The following EIF2AK2 variants were observed in gnomAD, a reference collection of about 807,000 sequenced individuals.
EIF2AK2 encodes the protein eukaryotic translation initiation factor 2 alpha kinase 2.
Under a neutral mutation model 70.5 loss-of-function variants are expected in EIF2AK2, and 40 were observed. That is an observed-to-expected ratio of 0.57 (90% CI 0.44 to 0.74). EIF2AK2 has a LOEUF of 0.74. Ranked by LOEUF, EIF2AK2 falls within the 30% of genes least tolerant of loss-of-function variation. EIF2AK2 has a pLI of 0.00. For missense variants in EIF2AK2, 555 were observed against 644.3 expected, an observed-to-expected ratio of 0.86 and a Z score of 1.50; for synonymous variants, 198 against 220.9, an observed-to-expected ratio of 0.90 and a Z score of 0.92.
rs1673947300 is a variant in EIF2AK2 at position 37,105,844 on chromosome 2, T to A, written c.*1429A>T. The A allele has an allele frequency of 6.6e-6, 1 of 152,218 alleles. No homozygotes were observed. The highest frequency in any genetic ancestry group is 6.5e-5 in the Admixed American group (1 of 15,284). The allele number at this position is 152,218 out of a possible 1,614,324, so 9.4% of individuals were successfully genotyped here. A position where few individuals can be genotyped will look rare whatever the true frequency, so the allele number is the denominator to read the frequency against. On this transcript the variant is annotated 3_prime_UTR_variant, in exon 17 of 17. Transcript: ENST00000233057. ...TCTCTACTCATCTAACACCCTGGCA[T>A]ATAGTTGGAAGGCCCACTGGGCTGT...
intron 4 of EIF2AK2, among the ~76,000 whole-genome samples, chr2:37,145,788 G>A (rs1477400796): frequency 9.3e-6 from 1 of 107,270 alleles, no homozygotes; most frequent in Non-Finnish European, 1.7e-5. Flanking sequence ...TTTTGAGATA[G>A]GATCCCCAGG....
intron 10 of EIF2AK2, among the ~76,000 whole-genome samples, chr2:37,127,981 A>T (rs1438891714): frequency 6.6e-6 from 1 of 152,056 alleles, no homozygotes; most frequent in East Asian, 1.9e-4. Flanking sequence ...ACCTCAAGTG[A>T]TCCATCCGCC....
intron 1 of EIF2AK2, among the ~76,000 whole-genome samples, chr2:37,154,186 G>T (rs375027898): frequency 1.7e-4 from 26 of 152,088 alleles, no homozygotes; most frequent in African/African-American, 5.5e-4. Flanking sequence ...ATTAGCCGGG[G>T]TGGTGGCACA....
intron 15 of EIF2AK2, among the ~76,000 whole-genome samples, chr2:37,108,146 C>CA (rs569711940): frequency 0.048 from 5,655 of 117,008 alleles, 146 homozygotes; most frequent in Non-Finnish European, 0.058. Flanking sequence ...AACTCTATCT[C>CA]AAAAAAAAAA....
At chr2:37,134,772 T>C (rs1675065715) in intron 10 of EIF2AK2, among the ~76,000 whole-genome samples, 1 of 151,422 alleles carries the variant, frequency 6.6e-6, no homozygotes, top group Non-Finnish European at 1.5e-5. Context: ...TTTGTGTGAG[T>C]GGCACCAACA....
chr2:37,153,436 C>T (rs1415929712), intron 1 of EIF2AK2, among the ~76,000 whole-genome samples: 1 of 147,778 alleles, frequency 6.8e-6, no homozygotes, highest in African/African-American at 2.5e-5. Flanking sequence ...GAACTCTGGG[C>T]TCAAGCGATC....
intron 3 of EIF2AK2, 40 bp from the exon 4 acceptor site, chr2:37,147,013 C>A: frequency 6.4e-7 from 1 of 1,572,156 alleles, no homozygotes; most frequent in Non-Finnish European, 8.6e-7. Flanking sequence ...TTATACAACT[C>A]ATGCACTATC....
At chr2:37,121,856 A>C (rs548237443) in intron 12 of EIF2AK2, among the ~76,000 whole-genome samples, 36 of 152,108 alleles carry the variant, frequency 2.4e-4, no homozygotes, top group Non-Finnish European at 4.0e-4. Context: ...AATGAATGGG[A>C]CCCCATTGGC....
intron 14 of EIF2AK2, among the ~76,000 whole-genome samples, chr2:37,111,699 CA>C (rs1367920805): frequency 1.1e-4 from 15 of 135,716 alleles, no homozygotes; most frequent in Non-Finnish European, 1.9e-4. Context: ...ACAAAAAATA[CA>C]AAAAAAAATT....
chr2:37,116,078 T>C (rs1307400689), intron 13 of EIF2AK2, among the ~76,000 whole-genome samples: 1 of 151,996 alleles, frequency 6.6e-6, no homozygotes, highest in Non-Finnish European at 1.5e-5. Context: ...TTTGTATTTT[T>C]AGTAGAGACA....
chr2:37,155,756 C>T (rs183833015), intron 1 of EIF2AK2, among the ~76,000 whole-genome samples: 1 of 152,184 alleles, frequency 6.6e-6, no homozygotes, highest in African/African-American at 2.4e-5. Flanking sequence ...GCCTGGCCAA[C>T]ACGGTGAAAC....
At chr2:37,115,912 T>G (rs1674324995) in intron 13 of EIF2AK2, among the ~76,000 whole-genome samples, 1 of 152,172 alleles carries the variant, frequency 6.6e-6, no homozygotes, top group South Asian at 2.1e-4. Context: ...TGTTTTGTTT[T>G]GTAAGATGGA....
chr2:37,149,264 T>C (rs35865920), intron 1 of EIF2AK2: 4 of 1,073,220 alleles, frequency 3.7e-6, no homozygotes, highest in African/African-American at 1.6e-5. Context: ...CAAACTGAAA[T>C]TGAAGGAGGA....
At chr2:37,144,333 T>A (rs1283766371) in intron 4 of EIF2AK2, among the ~76,000 whole-genome samples, 2 of 149,832 alleles carry the variant, frequency 1.3e-5, no homozygotes, top group East Asian at 2.0e-4. Context: ...ATACTTTTTT[T>A]ATCATTATTT....
intron 8 of EIF2AK2, among the ~76,000 whole-genome samples, chr2:37,137,589 A>T (rs1675172164): frequency 6.6e-6 from 1 of 152,228 alleles, no homozygotes; most frequent in African/African-American, 2.4e-5. Context: ...GGCTACAGGC[A>T]TGTGCCACTG....
At chr2:37,151,098 T>C (rs1392705326) in intron 1 of EIF2AK2, among the ~76,000 whole-genome samples, 2 of 152,090 alleles carry the variant, frequency 1.3e-5, no homozygotes, top group South Asian at 2.1e-4. Flanking sequence ...AGAGATAAAT[T>C]GGGCTTCATC....
In EIF2AK2 at chr2:37,119,273, A is replaced by G. The variant is rs1000421058; in HGVS notation, c.1248+686T>C. On this transcript the variant is annotated intron_variant, in intron 13 of 16. Transcript: ENST00000233057. Reference sequence around the variant, plus strand: ...AGTCCGGGATTACCGCAATTTTCCAATCATGGGGTTGAAATGCTTAACCAA... The same window carrying G: ...AGTCCGGGATTACCGCAATTTTCCAGTCATGGGGTTGAAATGCTTAACCAA... Among the ~76,000 whole-genome samples, 4 of 152,224 alleles carry G rather than the reference A, an allele frequency of 2.6e-5. No individual in the cohort carries two copies. In the East Asian group the frequency reaches 5.8e-4, roughly 22 times the overall value.
chr2:37,121,310 C>T (rs188271224), intron 12 of EIF2AK2, among the ~76,000 whole-genome samples: 38 of 149,474 alleles, frequency 2.5e-4, no homozygotes, highest in Non-Finnish European at 5.0e-4. Flanking sequence ...AAATGAGCCA[C>T]CCATTCTTCA....
At chr2:37,156,579 C>G (rs1427732691) in intron 1 of EIF2AK2, among the ~76,000 whole-genome samples, 2 of 152,226 alleles carry the variant, frequency 1.3e-5, no homozygotes, top group Non-Finnish European at 2.9e-5. Flanking sequence ...TCGTCTTCCA[C>G]TAGACCCCGC....
Sources: gnomAD v4.1 joint callset for allele counts (sites outside exome capture counted in the v4.1 genomes callset) on GRCh38, gnomAD v4.1.1 for gene constraint, MANE v1.5 for transcripts, NCBI Gene and HGNC (gene_info 2026-07-23, HGNC 2026-07-21) for gene names.